TEX15: variants seen among roughly 807,000 people sequenced by gnomAD.
TEX15 encodes the protein testis-expressed protein 15.
Under a neutral mutation model 237.3 loss-of-function variants are expected in TEX15, and 171 were observed. That is an observed-to-expected ratio of 0.72 (90% confidence interval 0.64 to 0.82). TEX15 has a LOEUF of 0.82. TEX15 is among the 40% of genes least tolerant of loss of function. TEX15 has a pLI of 0.00. For synonymous variants in TEX15, 1,338 were observed against 1,269.8 expected (o/e 1.05, Z -1.14); for missense variants, 3,750 against 3,646.5 (o/e 1.03, Z -0.73).
chr8:30,907,128 T>A (rs867214290), intron 1 of TEX15, among the ~76,000 whole-genome samples: 1 of 152,168 alleles, frequency 6.6e-6, no homozygotes, highest in Admixed American at 6.5e-5. Flanking sequence ...GAATTTGTTG[T>A]TGATTTAATA....
intron 1 of TEX15, 26 bp downstream of exon 1, chr8:30,912,850 TCTC>T (rs1397484887): frequency 2.0e-5 from 3 of 152,358 alleles, no homozygotes; most frequent in Non-Finnish European, 4.4e-5. Context: ...CTAACCCTCC[TCTC>T]CTCATCTGCC....
intron 2 of TEX15, among the ~76,000 whole-genome samples, chr8:30,888,226 T>C (rs917087958): frequency 6.6e-6 from 1 of 151,930 alleles, no homozygotes; most frequent in African/African-American, 2.4e-5. Flanking sequence ...AAATACTCCA[T>C]TTTTAAAAAG....
chr8:30,851,390 G>C (rs1227683568), intron 7 of TEX15, among the ~76,000 whole-genome samples: 2 of 152,248 alleles, frequency 1.3e-5, no homozygotes, highest in Non-Finnish European at 2.9e-5. Context: ...AGCACTTTGG[G>C]AGGCGGAGGC....
chr8:30,845,913 T>A lies in TEX15; in HGVS notation c.4254A>T (p.Ile1418=). The part of the protein sequence containing the change: ...RKGPLPKSYA[I]ICNNFWESCD... ...AACTTTCCCAGAAATTATTGCATAT[T>A]ATTGCATATGATTTTGGTAATGGGC... is the stretch of plus-strand genomic sequence containing the variant. Residue 1418 remains isoleucine (I), a synonymous_variant, in exon 8 of 11, where the codon ATA becomes ATT. Transcript: ENST00000643185. The A allele has an allele frequency of 6.2e-7, 1 of 1,613,466 alleles. No homozygotes were observed. Among genetic ancestry groups the A allele is most frequent in the South Asian group, 1.1e-5 (1 of 91,020 alleles).
At chr8:30,866,359 AAAGGGGAAGAGG>A (rs1053631428) in intron 5 of TEX15, among the ~76,000 whole-genome samples, 1 of 146,856 alleles carries the variant, frequency 6.8e-6, no homozygotes, top group Non-Finnish European at 1.5e-5. Flanking sequence ...GAGAAAGGAG[AAAGGGGAAGAGG>A]AAGGGGAAGG....
chr8:30,889,938 T>TATATAC (rs1300353467), intron 2 of TEX15, among the ~76,000 whole-genome samples: 3 of 128,158 alleles, frequency 2.3e-5, no homozygotes, highest in African/African-American at 1.1e-4. Flanking sequence ...TATATACATA[T>TATATAC]ATATATATAT....
chr8:30,839,545 C>T (rs1401800560), intron 9 of TEX15, among the ~76,000 whole-genome samples: 9 of 152,022 alleles, frequency 5.9e-5, no homozygotes, highest in Admixed American at 5.9e-4. Flanking sequence ...TGTATTGTAT[C>T]GTATCTTGTA....
chr8:30,880,994 A>G (rs554975357), intron 3 of TEX15, among the ~76,000 whole-genome samples: 48 of 151,258 alleles, frequency 3.2e-4, no homozygotes, highest in Middle Eastern at 3.4e-3. Context: ...GGATAATTTT[A>G]TTTCTTCTTT....
Position 30,859,972 on chromosome 8 carries a change from T to C in TEX15, c.626A>G (p.His209Arg), listed in dbSNP as rs150585743. 5 of 1,520,524 alleles carry C rather than the reference T, an allele frequency of 3.3e-6. No individual in the cohort carries two copies. Among genetic ancestry groups the C allele is most frequent in the African/African-American group, 2.8e-5 (2 of 72,004 alleles). 94.2% of individuals were successfully genotyped at this position (1,520,524 alleles called of 1,614,324 possible). A position where few individuals can be genotyped will look rare whatever the true frequency, so the allele number is the denominator to read the frequency against. Residue 209 changes from histidine to arginine, a missense_variant, in exon 6 of 11, where the codon CAT becomes CGT. Coordinates refer to ENST00000643185, the MANE Select transcript of TEX15 (RefSeq NM_001350162.2). ...CAAAGAAGGTGCATTTCTTGACATA[T>C]GGCAATCAAAGTTAGGAGAAGGATC... ...SLDPSPNFDC[H>R]MSRNAPSLKD...
intron 2 of TEX15, among the ~76,000 whole-genome samples, chr8:30,893,431 A>G (rs1472017420): frequency 1.3e-5 from 2 of 152,180 alleles, no homozygotes; most frequent in African/African-American, 4.8e-5. Context: ...GGACAGTACA[A>G]TGACTTACGG....
intron 2 of TEX15, among the ~76,000 whole-genome samples, chr8:30,889,266 T>C (rs113830644): frequency 0.013 from 1,973 of 152,120 alleles, 46 homozygotes; most frequent in African/African-American, 0.045. Flanking sequence ...GTTTGGCCAA[T>C]ATAGTGAAAC....
chr8:30,845,014 G>A lies in TEX15; in HGVS notation c.5153C>T (p.Pro1718Leu), dbSNP rs767613553. The change falls in exon 8 of 11, where the codon CCT becomes CTT. Residue 1718 changes from proline (P) to leucine (L), a missense_variant. By Grantham distance (98) the Pro-to-Leu change is moderately conservative. Transcript: ENST00000643185. ...TLIASKKYSI[P>L]QLSAAAVTDS... is the part of the protein sequence containing the mutation. ...TGTCACTGCAGCGGCTGATAACTGA[G>A]GAATACTGTACTTTTTACTTGCTAT... The A allele has an allele frequency of 6.2e-7, 1 of 1,613,544 alleles. No individual in the cohort carries two copies. Among genetic ancestry groups the A allele is most frequent in the South Asian group, 1.1e-5 (1 of 91,070 alleles).
intron 7 of TEX15, among the ~76,000 whole-genome samples, chr8:30,850,618 G>C (rs1456712674): frequency 2.0e-5 from 3 of 152,046 alleles, no homozygotes; most frequent in Non-Finnish European, 4.4e-5. Flanking sequence ...TAGTTCTTTA[G>C]AGTGGGGAGT....
intron 8 of TEX15, among the ~76,000 whole-genome samples, chr8:30,840,914 A>G (rs1295328053): frequency 1.3e-5 from 2 of 152,122 alleles, no homozygotes; most frequent in African/African-American, 2.4e-5. Flanking sequence ...TAATTTAAAA[A>G]TTATATATAT....
At chr8:30,874,562 T>C (rs1459570413) in intron 4 of TEX15, among the ~76,000 whole-genome samples, 1 of 152,238 alleles carries the variant, frequency 6.6e-6, no homozygotes, top group African/African-American at 2.4e-5. Context: ...ACCCAGTCTC[T>C]TAAGGGCTGG....
intron 1 of TEX15, among the ~76,000 whole-genome samples, chr8:30,903,728 G>C (rs1809046414): frequency 6.6e-6 from 1 of 152,162 alleles, no homozygotes; most frequent in Non-Finnish European, 1.5e-5. Flanking sequence ...CTGTGTTACT[G>C]ATAGCGAAAA....
chr8:30,836,203 T>C (rs1283797461), intron 10 of TEX15, among the ~76,000 whole-genome samples: 2 of 127,258 alleles, frequency 1.6e-5, no homozygotes, highest in Admixed American at 9.7e-5. Flanking sequence ...TTTCACTGTA[T>C]CGTTTTTTTT....
chr8:30,838,915 A>G (rs1235821656), intron 9 of TEX15, among the ~76,000 whole-genome samples: 1 of 149,816 alleles, frequency 6.7e-6, no homozygotes, highest in Non-Finnish European at 1.5e-5. Context: ...TCCCAAGTTC[A>G]AATGATTCTC....
intron 1 of TEX15, among the ~76,000 whole-genome samples, chr8:30,905,985 A>G (rs1016144197): frequency 3.9e-5 from 6 of 152,060 alleles, no homozygotes; most frequent in Non-Finnish European, 8.8e-5. Flanking sequence ...CCCATTACCT[A>G]TACTTTTGTG....
Sources: gnomAD v4.1 joint callset for allele counts (sites outside exome capture counted in the v4.1 genomes callset) on GRCh38, gnomAD v4.1.1 for gene constraint, MANE v1.5 for transcripts, NCBI Gene and HGNC (gene_info 2026-07-23, HGNC 2026-07-21) for gene names.